The following RWDD3 variants were observed in gnomAD, a reference collection of about 807,000 sequenced individuals.
RWDD3 encodes the protein RWD domain containing 3, also known as RWD domain-containing protein 3.
Under a neutral mutation model 26.5 loss-of-function variants are expected in RWDD3, and 30 were observed. The ratio of observed to expected loss-of-function variants is 1.13; its 90% CI spans 0.85 to 1.54. The LOEUF (loss-of-function observed/expected upper bound fraction) is 1.54, where lower values mean the gene tolerates loss of function less well. Ranked by LOEUF, RWDD3 falls within the 40% of genes most tolerant of loss-of-function variation. The pLI, the probability that RWDD3 is intolerant of heterozygous loss-of-function variation, is 0.00. For synonymous variants in RWDD3, 113 were observed against 114.5 expected, an observed-to-expected ratio of 0.99 and a Z score of 0.09; for missense variants, 296 against 309.1, an observed-to-expected ratio of 0.96 and a Z score of 0.32.
intron 1 of RWDD3, among the ~76,000 whole-genome samples, 182 bp downstream of exon 1, chr1:95,234,497 A>T (rs1680196997): frequency 6.6e-6 from 1 of 151,912 alleles, no homozygotes; most frequent in Non-Finnish European, 1.5e-5. Flanking sequence ...CGGGAGTGTG[A>T]GGCGACCCCA....
intron 1 of RWDD3, 90 bp downstream of exon 1, chr1:95,234,405 C>G: frequency 8.5e-7 from 1 of 1,174,822 alleles, no homozygotes; most frequent in Non-Finnish European, 1.2e-6. Context: ...GCCTGGGCAC[C>G]CCGCCTGGGC....
chr1:95,243,618 A>G (rs1380324882), intron 1 of RWDD3: 1 of 152,460 alleles, frequency 6.6e-6, no homozygotes, highest in African/African-American at 2.4e-5. Context: ...TGTCCACTCA[A>G]TTTCAGTTCA....
chr1:95,241,424 G>A (rs949818150), intron 1 of RWDD3, among the ~76,000 whole-genome samples: 2 of 152,154 alleles, frequency 1.3e-5, no homozygotes, highest in Admixed American at 6.5e-5. Flanking sequence ...TTATAGCTGA[G>A]GGGCAGTGAG....
intron 2 of RWDD3, 57 bp downstream of exon 2, chr1:95,244,755 T>C: frequency 6.5e-7 from 1 of 1,539,650 alleles, no homozygotes; most frequent in Non-Finnish European, 8.8e-7. Context: ...TTAAATGGTG[T>C]GTCTTTAAGT....
intron 1 of RWDD3, 142 bp from the exon 2 acceptor site, chr1:95,244,069 A>T: frequency 8.1e-7 from 1 of 1,240,904 alleles, no homozygotes; most frequent in Non-Finnish European, 1.1e-6. Flanking sequence ...TAGCTTTCCT[A>T]GTATTACGTG....
At chr1:95,244,862 G>C in intron 2 of RWDD3, 164 bp downstream of exon 2, 1 of 771,822 alleles carries the variant, frequency 1.3e-6, no homozygotes, top group Non-Finnish European at 2.0e-6. Flanking sequence ...AAGAATGTCT[G>C]ACTGCTAATT....
chr1:95,246,928 G>T lies in RWDD3; in HGVS notation c.*58G>T. On this transcript the variant is annotated 3_prime_UTR_variant, in exon 4 of 4. Coordinates refer to ENST00000370202, the MANE Select transcript of RWDD3 (RefSeq NM_015485.5). Reference sequence around the variant, plus strand: ...AGTGTTTTTTGTTGTTTTTGCATTGGATTTGGGGAGTGGTTAATTGAAATA... The same window carrying T: ...AGTGTTTTTTGTTGTTTTTGCATTGTATTTGGGGAGTGGTTAATTGAAATA... 2.0e-6 allele frequency: 2 copies of T among 1,006,230 alleles called. No homozygotes were observed. Among genetic ancestry groups the T allele is most frequent in the Non-Finnish European group, 2.8e-6 (2 of 707,686 alleles). 62.3% of individuals were successfully genotyped at this position (1,006,230 alleles called of 1,614,324 possible).
At chr1:95,236,756 T>C (rs1348688417) in intron 1 of RWDD3, among the ~76,000 whole-genome samples, 2 of 152,184 alleles carry the variant, frequency 1.3e-5, no homozygotes, top group Non-Finnish European at 2.9e-5. Context: ...TTTTCCTAAA[T>C]TCCTTTATTA....
chr1:95,235,677 A>C (rs569881016), intron 1 of RWDD3, among the ~76,000 whole-genome samples: 296 of 151,922 alleles, frequency 1.9e-3, no homozygotes, highest in African/African-American at 6.9e-3. Flanking sequence ...CTTTTTTTTA[A>C]ACAAGCTCTT....
At chr1:95,240,633 G>A (rs147246760) in intron 1 of RWDD3, among the ~76,000 whole-genome samples, 2 of 152,090 alleles carry the variant, frequency 1.3e-5, no homozygotes, top group African/African-American at 4.8e-5. Context: ...AAGTCAGAGT[G>A]GTAGGCTGGC....
intron 1 of RWDD3, 37 bp from the exon 2 acceptor site, chr1:95,244,174 A>G (rs1389066537): frequency 6.3e-7 from 1 of 1,584,598 alleles, no homozygotes; most frequent in Non-Finnish European, 8.6e-7. Flanking sequence ...CAAATTGAAT[A>G]ATGTACAGCT....
intron 2 of RWDD3, 124 bp downstream of exon 2, chr1:95,244,822 C>T (rs530914083): frequency 2.7e-6 from 3 of 1,096,388 alleles, no homozygotes; most frequent in Non-Finnish European, 3.9e-6. Flanking sequence ...TTCATTATTA[C>T]AATCTTAATG....
At chr1:95,242,515 A>G (rs963705485) in intron 1 of RWDD3, among the ~76,000 whole-genome samples, 1 of 152,240 alleles carries the variant, frequency 6.6e-6, no homozygotes, top group African/African-American at 2.4e-5. Context: ...TTCAGCCTAA[A>G]TGGTTGTGTG....
At chr1:95,240,539 T>G (rs1680571297) in intron 1 of RWDD3, among the ~76,000 whole-genome samples, 1 of 151,984 alleles carries the variant, frequency 6.6e-6, no homozygotes, top group Non-Finnish European at 1.5e-5. Context: ...TTGGAGATAA[T>G]GGGAGCAAGA....
At chr1:95,236,609 GGGTTT>G (rs1557718394) in intron 1 of RWDD3, among the ~76,000 whole-genome samples, 1 of 152,086 alleles carries the variant, frequency 6.6e-6, no homozygotes, top group Non-Finnish European at 1.5e-5. Flanking sequence ...CCATATGAAG[GGGTTT>G]ACTCACTTTT....
Position 95,246,872 on chromosome 1 carries a change from A to T in RWDD3, c.*2A>T. The T allele has an allele frequency of 6.7e-7, 1 of 1,483,684 alleles. No individual in the cohort carries two copies. The highest frequency in any genetic ancestry group is 9.0e-7 in the Non-Finnish European group (1 of 1,105,768). 91.9% of individuals were successfully genotyped at this position (1,483,684 alleles called of 1,614,324 possible). A position where few individuals can be genotyped will look rare whatever the true frequency, so the allele number is the denominator to read the frequency against. The stretch of plus-strand genomic sequence containing the variant: ...TTTGTACTTGCTCTGGTAAAATGAA[A>T]TGGAAGACAGGAATCTTTTAGTAAA... On this transcript the variant is annotated 3_prime_UTR_variant, in exon 4 of 4. Coordinates refer to ENST00000370202, the MANE Select transcript of RWDD3 (RefSeq NM_015485.5).
chr1:95,241,577 G>T (rs190810363), intron 1 of RWDD3, among the ~76,000 whole-genome samples: 9 of 152,246 alleles, frequency 5.9e-5, no homozygotes, highest in Admixed American at 5.2e-4. Context: ...CAAGGCTGTC[G>T]GTTATGCAAA....
chr1:95,235,218 T>C (rs1373735371), intron 1 of RWDD3, among the ~76,000 whole-genome samples: 1 of 148,918 alleles, frequency 6.7e-6, no homozygotes, highest in Non-Finnish European at 1.5e-5. Context: ...GGCTAATTTT[T>C]TGTATTTTTT....
At position 95,244,309 on chromosome 1, in the gene RWDD3, C is replaced by A; in HGVS notation, c.184C>A (p.Pro62Thr). The change falls in exon 2 of 4, where the codon CCT becomes ACT. Residue 62 changes from proline (P) to threonine (T), a missense_variant. Physicochemically the swap from Pro to Thr is conservative, Grantham distance 38. Coordinates refer to ENST00000370202, the MANE Select transcript of RWDD3 (RefSeq NM_015485.5). ...GGTGTTCCATTTGCCAGTCAATTATCCTTCATGTCTACCTGGTATCTCGAT... is the reference window on the plus strand; with the variant it reads ...GGTGTTCCATTTGCCAGTCAATTATACTTCATGTCTACCTGGTATCTCGAT... ...ELVFHLPVNY[P>T]SCLPGISINS... The A allele has an allele frequency of 6.2e-7, 1 of 1,614,168 alleles. No individual in the cohort carries two copies. The highest frequency in any genetic ancestry group is 8.5e-7 in the Non-Finnish European group (1 of 1,180,024).
Sources: gnomAD v4.1 joint callset for allele counts (sites outside exome capture counted in the v4.1 genomes callset) on GRCh38, gnomAD v4.1.1 for gene constraint, MANE v1.5 for transcripts, NCBI Gene and HGNC (gene_info 2026-07-23, HGNC 2026-07-21) for gene names.